NRXN1: variants seen among roughly 807,000 people sequenced by gnomAD.
NRXN1 encodes the protein neurexin-1.
NRXN1 carries 39 observed loss-of-function variants against 150.9 expected under a neutral mutation model. The ratio of observed to expected loss-of-function variants is 0.26; its 90% CI spans 0.20 to 0.34. The LOEUF (loss-of-function observed/expected upper bound fraction) is 0.34. NRXN1 is among the 10% of genes least tolerant of loss of function. The pLI is 1.00. For missense variants in NRXN1, 1,815 were observed against 1,949.9 expected (o/e 0.93, Z 1.30); for synonymous variants, 924 against 757.0 (o/e 1.22, Z -3.62).
intron 21 of NRXN1, chr2:49,974,312 C>T (rs1166028129): frequency 1.4e-5 from 7 of 487,288 alleles, no homozygotes; most frequent in South Asian, 1.2e-4. Flanking sequence ...CACAGCCCAG[C>T]CCGGCACCAC....
intron 15 of NRXN1, among the ~76,000 whole-genome samples, chr2:50,490,686 G>A (rs2091201018): frequency 6.6e-6 from 1 of 152,220 alleles, no homozygotes; most frequent in Non-Finnish European, 1.5e-5. Context: ...AGCAGTGCCA[G>A]CAGACAGAAT....
At chr2:49,999,544 C>T (rs1437661670) in intron 21 of NRXN1, among the ~76,000 whole-genome samples, 2 of 152,104 alleles carry the variant, frequency 1.3e-5, no homozygotes, top group East Asian at 1.9e-4. Context: ...AAGGTTCTTT[C>T]CGTATAATTT....
At chr2:50,931,500 C>G (rs968564655) in intron 2 of NRXN1, among the ~76,000 whole-genome samples, 53 of 151,884 alleles carry the variant, frequency 3.5e-4, no homozygotes, top group African/African-American at 1.2e-3. Context: ...ATTATACATT[C>G]TTTTTATATC....
rs113512043 is a variant in NRXN1 at position 50,031,307 on chromosome 2, C to T, written c.4128+21964G>A. Among the ~76,000 whole-genome samples the T allele has an allele frequency of 5.9e-5, 9 of 151,852 alleles. 1 individual carries two copies. The highest frequency in any genetic ancestry group is 3.9e-4 in the East Asian group (2 of 5,168). ...TAATCTTGGTGTGTTTTTTTAAAAACGTAACATCCTTCTAATCAAGCATGA... is the reference window on the plus strand; with the variant it reads ...TAATCTTGGTGTGTTTTTTTAAAAATGTAACATCCTTCTAATCAAGCATGA... On this transcript the variant is annotated intron_variant, in intron 21 of 22. Coordinates refer to ENST00000401669, the MANE Select transcript of NRXN1 (RefSeq NM_001330078.2).
intron 17 of NRXN1, among the ~76,000 whole-genome samples, chr2:50,354,566 T>TATATACATATATATATATATATATAC (rs2078656660): frequency 7.1e-6 from 1 of 141,342 alleles, no homozygotes; most frequent in Non-Finnish European, 1.5e-5. Context: ...TATATATATA[T>TATATACATATATATATATATATATAC]ATATATATAT....
chr2:50,438,681 T>C lies in NRXN1; in HGVS notation c.3364+26761A>G, dbSNP rs369490442. 3.3e-5 allele frequency among the ~76,000 whole-genome samples: 5 copies of C among 152,344 alleles called. No homozygotes were observed. The East Asian group carries it at 5.8e-4, about 18-fold the overall frequency. ...ATAGGATGAAAAAGATTCTCAAATA[T>C]AGACCTGTCCTAAGTTTTACTGGAG... On this transcript the variant is annotated intron_variant, in intron 17 of 22. Coordinates refer to ENST00000401669, the MANE Select transcript of NRXN1 (RefSeq NM_001330078.2).
At chr2:50,238,384 C>T (rs1712904) in intron 17 of NRXN1, among the ~76,000 whole-genome samples, 62,463 of 151,766 alleles carry the variant, frequency 0.41, 13,062 homozygotes, top group Middle Eastern at 0.45. Context: ...GTTGTCAGTC[C>T]CATAATCGAT....
intron 18 of NRXN1, among the ~76,000 whole-genome samples, chr2:50,138,265 C>A (rs1446043797): frequency 6.6e-6 from 1 of 152,000 alleles, no homozygotes; most frequent in Non-Finnish European, 1.5e-5. Context: ...TTGGAAATAG[C>A]ACCACATGTA....
At chr2:50,998,956 A>G (rs1470515858) in intron 2 of NRXN1, among the ~76,000 whole-genome samples, 1 of 152,080 alleles carries the variant, frequency 6.6e-6, no homozygotes, top group South Asian at 2.1e-4. Context: ...GGATACAAAA[A>G]TATGTTTGAA....
intron 2 of NRXN1, among the ~76,000 whole-genome samples, chr2:50,931,863 A>G (rs1376870703): frequency 2.0e-5 from 3 of 151,898 alleles, no homozygotes; most frequent in East Asian, 3.9e-4. Flanking sequence ...TGATTAAAAT[A>G]TTATTTTTTT....
intron 2 of NRXN1, among the ~76,000 whole-genome samples, chr2:51,009,869 T>A (rs181137933): frequency 4.3e-4 from 65 of 151,956 alleles, no homozygotes; most frequent in Middle Eastern, 3.4e-3. Context: ...CTTGTTAGGA[T>A]CCCTTCATTC....
chr2:50,743,073 T>C (rs1699622293), intron 5 of NRXN1, among the ~76,000 whole-genome samples: 1 of 152,208 alleles, frequency 6.6e-6, no homozygotes, highest in South Asian at 2.1e-4. Flanking sequence ...ACATTTTCAC[T>C]ATAGAGAGAT....
chr2:50,700,780 G>A (rs1159815318), intron 5 of NRXN1, among the ~76,000 whole-genome samples: 2 of 151,594 alleles, frequency 1.3e-5, no homozygotes, highest in Non-Finnish European at 2.9e-5. Flanking sequence ...TAGACCAATA[G>A]ATTTCCAAAG....
At chr2:50,680,295 T>G (rs977839642) in intron 5 of NRXN1, among the ~76,000 whole-genome samples, 13 of 152,124 alleles carry the variant, frequency 8.5e-5, no homozygotes. Context: ...TGAATTTATT[T>G]TGATTTTTCT....
At chr2:50,531,114 A>G in intron 11 of NRXN1, 113 bp downstream of exon 11, 1 of 752,386 alleles carries the variant, frequency 1.3e-6, no homozygotes, top group Non-Finnish European at 2.2e-6. Context: ...TGGAAATAAG[A>G]CCATTAAGTG....
intron 22 of NRXN1, among the ~76,000 whole-genome samples, chr2:49,934,775 C>T (rs1392666068): frequency 6.6e-6 from 1 of 152,098 alleles, no homozygotes; most frequent in Non-Finnish European, 1.5e-5. Context: ...CTCTCGAAAG[C>T]ACTCTCCCTT....
At chr2:50,028,212 G>T (rs138980886) in intron 21 of NRXN1, among the ~76,000 whole-genome samples, 14 of 152,104 alleles carry the variant, frequency 9.2e-5, no homozygotes, top group African/African-American at 2.9e-4. Context: ...TTAAAATGTT[G>T]CTCTTTAAAA....
chr2:50,610,677 A>ATATATATATATATC (rs1235129097), intron 8 of NRXN1, among the ~76,000 whole-genome samples: 4 of 130,226 alleles, frequency 3.1e-5, no homozygotes, highest in Admixed American at 2.5e-4. Flanking sequence ...ATATATATAT[A>ATATATATATATATC]TCTGTACAAA....
intron 19 of NRXN1, among the ~76,000 whole-genome samples, chr2:50,062,424 T>C (rs1374903446): frequency 1.3e-5 from 2 of 152,296 alleles, no homozygotes; most frequent in East Asian, 3.9e-4. Context: ...CTTCCTAGTC[T>C]TCCGAATTGA....
Sources: gnomAD v4.1 joint callset for allele counts (sites outside exome capture counted in the v4.1 genomes callset) on GRCh38, gnomAD v4.1.1 for gene constraint, MANE v1.5 for transcripts, NCBI Gene and HGNC (gene_info 2026-07-23, HGNC 2026-07-21) for gene names.